NEK2: variants seen among roughly 807,000 people sequenced by gnomAD.
The protein encoded by NEK2 is serine/threonine-protein kinase Nek2.
NEK2 carries 28 observed loss-of-function variants against 54.1 expected under a neutral mutation model. The ratio of observed to expected loss-of-function variants is 0.52; its 90% CI spans 0.38 to 0.71. NEK2 has a LOEUF of 0.71. Among genes scored for constraint, NEK2 ranks in the 30% least tolerant of loss-of-function variants. The pLI, the probability that NEK2 is intolerant of heterozygous loss-of-function variation, is 0.00. For missense variants in NEK2, 407 were observed against 531.5 expected (o/e 0.77, Z 2.30); for synonymous variants, 176 against 193.1 (o/e 0.91, Z 0.73).
downstream of NEK2, among the ~76,000 whole-genome samples, chr1:211,659,283 A>G (rs1352237067): frequency 5.3e-5 from 8 of 152,234 alleles, no homozygotes; most frequent in Admixed American, 5.2e-4. Flanking sequence ...GATTATGGGC[A>G]ATTGCATGGA....
downstream of NEK2, among the ~76,000 whole-genome samples, chr1:211,659,904 C>T (rs932674149): frequency 1.3e-5 from 2 of 150,076 alleles, no homozygotes; most frequent in South Asian, 4.2e-4. Flanking sequence ...TCACTGCAGC[C>T]TCCACCTCCC....
intron 7 of NEK2, chr1:211,666,902 T>C (rs946232238): frequency 1.1e-5 from 15 of 1,330,946 alleles, no homozygotes; most frequent in South Asian, 2.2e-5. Context: ...CTATGACTCA[T>C]TGCCTCAGGT....
intron 1 of NEK2, 98 bp from the exon 2 acceptor site, chr1:211,674,611 A>G (rs530512547): frequency 2.4e-6 from 2 of 848,564 alleles, no homozygotes; most frequent in Admixed American, 2.7e-5. Flanking sequence ...TTTTAATTAT[A>G]TCCTACAATC....
intron 2 of NEK2, 90 bp from the exon 3 acceptor site, chr1:211,673,813 A>T: frequency 8.0e-7 from 1 of 1,250,696 alleles, no homozygotes; most frequent in South Asian, 1.6e-5. Context: ...ACAAATAGGG[A>T]ATTTATTTAT....
chr1:211,671,104 T>TA (rs1316638862), intron 4 of NEK2, 98 bp downstream of exon 4: 3 of 894,078 alleles, frequency 3.4e-6, no homozygotes, highest in Non-Finnish European at 5.6e-6. Flanking sequence ...CAGACTTGAA[T>TA]ATACTTTCGT....
At chr1:211,658,716 T>G, downstream of NEK2, 1 of 43,308 alleles carries the variant, frequency 2.3e-5, no homozygotes, top group South Asian at 2.1e-4. Flanking sequence ...TGAGACTCTA[T>G]CTCAAAAAAA....
intron 1 of NEK2, 27 bp from the exon 2 acceptor site, chr1:211,674,540 A>T: frequency 3.3e-6 from 5 of 1,525,852 alleles, no homozygotes; most frequent in Non-Finnish European, 4.5e-6. Flanking sequence ...CAAGGTATGA[A>T]TGAACTCATT....
intron 5 of NEK2, chr1:211,669,614 G>A: frequency 2.4e-6 from 1 of 411,948 alleles, no homozygotes; most frequent in Admixed American, 4.1e-5. Flanking sequence ...ATCTTGTGCT[G>A]GGGCTTGGTA....
rs1219506454 is a variant in NEK2 at position 211,673,910 on chromosome 1, G to A, written c.315-187C>T. ...CACGATCATGGCTCACTGCAGCCTCGACCTCCCAGGCTCAAGCAATCCTCT... is the reference window on the plus strand; with the variant it reads ...CACGATCATGGCTCACTGCAGCCTCAACCTCCCAGGCTCAAGCAATCCTCT... On this transcript the variant is annotated intron_variant, in intron 2 of 7. Coordinates refer to ENST00000366999, the MANE Select transcript of NEK2 (RefSeq NM_002497.4). Among the ~76,000 whole-genome samples, 8 of 152,012 alleles carry A rather than the reference G, an allele frequency of 5.3e-5. 1 individual carries two copies. The South Asian group carries it at 8.3e-4, about 16-fold the overall frequency.
chr1:211,659,512 C>T (rs1163985720), downstream of NEK2, among the ~76,000 whole-genome samples: 1 of 152,172 alleles, frequency 6.6e-6, no homozygotes, highest in Non-Finnish European at 1.5e-5. Flanking sequence ...TTTTCTGTGT[C>T]ATGCTTCTGT....
chr1:211,675,050 T>C (rs1408290272), intron 1 of NEK2, among the ~76,000 whole-genome samples: 1 of 152,202 alleles, frequency 6.6e-6, no homozygotes, highest in Non-Finnish European at 1.5e-5. Flanking sequence ...CCTGCCCCTT[T>C]CTTGTGCCTG....
At chr1:211,671,108 C>T in intron 4 of NEK2, 94 bp downstream of exon 4, 1 of 939,238 alleles carries the variant, frequency 1.1e-6, no homozygotes, top group South Asian at 1.3e-5. Context: ...CTTGAATATA[C>T]TTTCGTTAGC....
intron 2 of NEK2, among the ~76,000 whole-genome samples, chr1:211,674,030 G>T (rs555432415): frequency 2.6e-5 from 4 of 152,218 alleles, no homozygotes; most frequent in African/African-American, 9.6e-5. Context: ...TGCCCAGGCT[G>T]GTCTTGAAAT....
intron 6 of NEK2, among the ~76,000 whole-genome samples, chr1:211,668,240 A>C (rs1571642976): frequency 6.6e-6 from 1 of 152,222 alleles, no homozygotes; most frequent in African/African-American, 2.4e-5. Context: ...CAGGTGAGTC[A>C]TGAGGGTGAC....
Position 211,669,183 on chromosome 1 carries a change from C to T in NEK2, c.915G>A (p.Glu305=). 6.2e-7 allele frequency: 1 copy of T among 1,613,976 alleles called. No individual in the cohort carries two copies. Among genetic ancestry groups the T allele is most frequent in the Non-Finnish European group, 8.5e-7 (1 of 1,179,884 alleles). ...GTAACTGAATTTCCTTCAGTTTCAG[C>T]TCACTCAATACAGGGCTGGAATCCT... The part of the protein sequence containing the change: ...KSQDSSPVLS[E]LKLKEIQLQE... Residue 305 remains glutamate, a synonymous_variant, in exon 6 of 8, where the codon GAG becomes GAA. Coordinates refer to ENST00000366999, the MANE Select transcript of NEK2 (RefSeq NM_002497.4).
intron 3 of NEK2, 32 bp from the exon 4 acceptor site, chr1:211,671,316 GGTGTTAAGA>G (rs1558229624): frequency 6.7e-7 from 1 of 1,482,768 alleles, no homozygotes; most frequent in Admixed American, 1.7e-5. Context: ...GAAAGTGGAA[GGTGTTAAGA>G]GTTTATTTTG....
intron 4 of NEK2, 90 bp from the exon 5 acceptor site, chr1:211,670,497 C>T: frequency 7.3e-7 from 1 of 1,377,964 alleles, no homozygotes; most frequent in Non-Finnish European, 1.0e-6. Context: ...AAAAGCACAG[C>T]TTAAGCTCCA....
intron 7 of NEK2, among the ~76,000 whole-genome samples, chr1:211,665,689 T>C (rs1043480426): frequency 1.3e-5 from 2 of 152,170 alleles, no homozygotes; most frequent in Non-Finnish European, 2.9e-5. Flanking sequence ...GACTGCAATA[T>C]TGGGAAAAAA....
downstream of NEK2, chr1:211,661,052 A>G: frequency 1.4e-6 from 1 of 740,580 alleles, no homozygotes; most frequent in Non-Finnish European, 2.5e-6. Context: ...AGCTCCCGGA[A>G]TGCTAAGCAC....
Sources: gnomAD v4.1 joint callset for allele counts (sites outside exome capture counted in the v4.1 genomes callset) on GRCh38, gnomAD v4.1.1 for gene constraint, MANE v1.5 for transcripts, NCBI Gene and HGNC (gene_info 2026-07-23, HGNC 2026-07-21) for gene names.